The following ESR1 variants were observed in gnomAD, a reference collection of about 807,000 sequenced individuals.
ESR1 encodes estrogen receptor.
A neutral mutation model predicts 52.7 loss-of-function variants in ESR1; 12 were observed. The observed-to-expected ratio is 0.23, with a 90% CI of 0.15 to 0.37. The LOEUF is 0.37. ESR1 is among the 10% of genes least tolerant of loss of function. The pLI is 1.00. For synonymous variants in ESR1, 305 were observed against 316.8 expected (o/e 0.96, Z 0.39); for missense variants, 584 against 779.7 (o/e 0.75, Z 2.99).
At chr6:151,804,140 A>T (rs1777543564), upstream of ESR1, among the ~76,000 whole-genome samples, 1 of 152,210 alleles carries the variant, frequency 6.6e-6, no homozygotes, top group South Asian at 2.1e-4. Flanking sequence ...TCGGCGTAGC[A>T]CAGTATACTT....
chr6:152,041,903 A>G (rs1412717668), intron 5 of ESR1, among the ~76,000 whole-genome samples: 1 of 152,200 alleles, frequency 6.6e-6, no homozygotes, highest in African/African-American at 2.4e-5. Context: ...AGATGTGTTA[A>G]TTTGCTCAAG....
chr6:151,928,003 C>A (rs1241106575), intron 3 of ESR1, among the ~76,000 whole-genome samples: 1 of 152,098 alleles, frequency 6.6e-6, no homozygotes, highest in Non-Finnish European at 1.5e-5. Flanking sequence ...GGATTACAGG[C>A]GTGAGCCACC....
At chr6:151,828,902 G>A (rs1233728349) in intron 1 of ESR1, among the ~76,000 whole-genome samples, 2 of 152,202 alleles carry the variant, frequency 1.3e-5, no homozygotes, top group East Asian at 3.8e-4. Flanking sequence ...TTTGTTACAT[G>A]AGCAGCAAAA....
upstream of ESR1, among the ~76,000 whole-genome samples, chr6:151,686,064 A>ATTTTTTTTTTT (rs557270210): frequency 4.0e-3 from 462 of 114,290 alleles, 25 homozygotes; most frequent in African/African-American, 0.018. Context: ...AATTAAAACA[A>ATTTTTTTTTTT]TTTTTTTTTT....
chr6:152,020,404 ACTG>A (rs899709360), intron 5 of ESR1, among the ~76,000 whole-genome samples: 6 of 152,034 alleles, frequency 3.9e-5, no homozygotes, highest in Admixed American at 3.9e-4. Context: ...ATGTGTTAGT[ACTG>A]CTTGGATCTC....
chr6:151,921,854 T>A (rs997939616), intron 3 of ESR1, among the ~76,000 whole-genome samples: 1 of 152,208 alleles, frequency 6.6e-6, no homozygotes, highest in Admixed American at 6.5e-5. Flanking sequence ...GTCAGATGTA[T>A]AGATTGCAAA....
rs984485633 is a variant in ESR1, at chr6:152,035,415, A to G, written c.1235+23621A>G. ...TCTGTAGAAACAAGTATGAACTTCT[A>G]TTGGAAGACAGTAATATCATAAAAC... is the stretch of plus-strand genomic sequence containing the variant. On this transcript the variant is annotated intron_variant, in intron 5 of 7. Transcript: ENST00000206249. Among the ~76,000 whole-genome samples, 3 of 152,140 alleles carry G rather than the reference A, an allele frequency of 2.0e-5. No homozygotes were observed. In the East Asian group the frequency reaches 5.8e-4, roughly 29 times the overall value.
chr6:151,662,140 G>A (rs568006162), intron 1 of ESR1, among the ~76,000 whole-genome samples: 41 of 152,238 alleles, frequency 2.7e-4, no homozygotes, highest in Admixed American at 5.2e-4. Context: ...ACAGGAGGGC[G>A]CTCGAGAGAC....
intron 2 of ESR1, 31 bp from the exon 3 acceptor site, chr6:151,880,624 A>G (rs748537766): frequency 1.5e-6 from 2 of 1,298,890 alleles, no homozygotes; most frequent in Non-Finnish European, 2.2e-6. Flanking sequence ...TTCCTGAAAT[A>G]ATATTAATTC....
chr6:152,062,782 C>T (rs1018557442), intron 6 of ESR1, among the ~76,000 whole-genome samples: 1 of 152,116 alleles, frequency 6.6e-6, no homozygotes, highest in South Asian at 2.1e-4. Flanking sequence ...CCACCCCGAA[C>T]TTTTACTGAG....
At chr6:151,732,610 G>A (rs1454676631) in intron 2 of ESR1, among the ~76,000 whole-genome samples, 2 of 151,696 alleles carry the variant, frequency 1.3e-5, no homozygotes, top group African/African-American at 4.8e-5. Context: ...TGATTAGTTG[G>A]ATTGCCTTTT....
At chr6:152,129,569 A>C (rs531904929) in exon 7 of ESR1, 4 of 148,282 alleles carry the variant, frequency 2.7e-5, no homozygotes, top group African/African-American at 7.5e-5. Flanking sequence ...AAAAAAAAAA[A>C]CTCATAAAAT....
chr6:152,012,336 G>A (rs958552625), intron 5 of ESR1, among the ~76,000 whole-genome samples: 1 of 150,396 alleles, frequency 6.6e-6, no homozygotes, highest in Non-Finnish European at 1.5e-5. Context: ...GCCTTGGAAT[G>A]TGGGTCCCAT....
chr6:151,918,021 G>A (rs907576587), intron 3 of ESR1, among the ~76,000 whole-genome samples: 1 of 152,226 alleles, frequency 6.6e-6, no homozygotes, highest in African/African-American at 2.4e-5. Context: ...TCAGCAGTTT[G>A]TGTTTGTCAA....
chr6:151,847,115 A>T (rs868491815), intron 2 of ESR1, among the ~76,000 whole-genome samples: 1 of 152,342 alleles, frequency 6.6e-6, no homozygotes, highest in Non-Finnish European at 1.5e-5. Context: ...GTATTGATTT[A>T]CAGATGATCT....
intron 2 of ESR1, among the ~76,000 whole-genome samples, chr6:151,872,566 T>C (rs1424230658): frequency 6.6e-6 from 1 of 152,238 alleles, no homozygotes; most frequent in Non-Finnish European, 1.5e-5. Context: ...ATTCCCACTT[T>C]TGTGTAAAAA....
At chr6:151,658,583 G>A (rs985429819) in intron 1 of ESR1, among the ~76,000 whole-genome samples, 1 of 152,074 alleles carries the variant, frequency 6.6e-6, no homozygotes, top group African/African-American at 2.4e-5. Flanking sequence ...AATATGAAGT[G>A]TATATTTATA....
chr6:151,832,021 G>A (rs6903763), intron 1 of ESR1, among the ~76,000 whole-genome samples: 11,836 of 152,122 alleles, frequency 0.078, 742 homozygotes, highest in African/African-American at 0.17. Flanking sequence ...GTACTTTTTA[G>A]GGATGAGAAT....
rs1196365148 is a variant in ESR1, at chr6:152,102,650, A to C, written c.*3684A>C. The C allele has an allele frequency of 4.5e-6, 1 of 220,710 alleles. No homozygotes were observed. The highest frequency in any genetic ancestry group is 5.8e-5 in the Admixed American group (1 of 17,356). 13.7% of individuals were successfully genotyped at this position (220,710 alleles called of 1,614,324 possible). A position where few individuals can be genotyped will look rare whatever the true frequency, so the allele number is the denominator to read the frequency against. On this transcript the variant is annotated 3_prime_UTR_variant, in exon 8 of 8. Transcript: ENST00000206249. ...TGTTTCCAACTGCATTTCCTTTCCA[A>C]TTGAATTAAAGTGTGGCCTCGTTTT... is the stretch of plus-strand genomic sequence containing the variant.
Sources: gnomAD v4.1 joint callset for allele counts (sites outside exome capture counted in the v4.1 genomes callset) on GRCh38, gnomAD v4.1.1 for gene constraint, MANE v1.5 for transcripts, NCBI Gene and HGNC (gene_info 2026-07-23, HGNC 2026-07-21) for gene names.